HAPLN3: variants seen among roughly 807,000 people sequenced by gnomAD.
HAPLN3 encodes the protein hyaluronan and proteoglycan link protein 3.
In HAPLN3, 28 loss-of-function variants were observed where a neutral mutation model predicts 28.1. The observed-to-expected ratio is 1.00, with a 90% CI of 0.74 to 1.37. The LOEUF is 1.37. Among genes scored for constraint, HAPLN3 ranks in the 40% most tolerant of loss-of-function variants. HAPLN3 has a pLI of 0.00. For synonymous variants in HAPLN3, 211 were observed against 213.1 expected (o/e 0.99, Z 0.09); for missense variants, 513 against 504.6 (o/e 1.02, Z -0.16).
At chr15:88,882,044 C>CT (rs1215803852) in intron 2 of HAPLN3, among the ~76,000 whole-genome samples, 1 of 152,196 alleles carries the variant, frequency 6.6e-6, no homozygotes, top group Non-Finnish European at 1.5e-5. Flanking sequence ...TGCTTCCACT[C>CT]TTTTTTTAGG....
At chr15:88,892,158 A>G (rs1898029086) in intron 1 of HAPLN3, among the ~76,000 whole-genome samples, 1 of 152,098 alleles carries the variant, frequency 6.6e-6, no homozygotes, top group Non-Finnish European at 1.5e-5. Flanking sequence ...GGGGATGCCA[A>G]GAAAATCAAA....
In HAPLN3 at chr15:88,877,634, G is replaced by A. The variant is rs560296910; in HGVS notation, c.*336C>T. 4 of 231,064 alleles carry A rather than the reference G, an allele frequency of 1.7e-5. No individual in the cohort carries two copies. Among genetic ancestry groups the A allele is most frequent in the Admixed American group, 1.5e-4 (3 of 19,614 alleles). The allele number at this position is 231,064 out of a possible 1,614,324, so 14.3% of individuals were successfully genotyped here. A position where few individuals can be genotyped will look rare whatever the true frequency, so the allele number is the denominator to read the frequency against. ...AGGGAGAACTGTGCCCACCATGCCC[G>A]GACTCCCGGCGGCATTCTAGACAGG... is the stretch of plus-strand genomic sequence containing the variant. On this transcript the variant is annotated 3_prime_UTR_variant, in exon 5 of 5. Transcript: ENST00000359595. This position sits in a 1 kb window ranked among gnomAD's most constrained non-coding sequence, Gnocchi z 5.1.
At position 88,879,010 on chromosome 15, in the gene HAPLN3, G is replaced by A. The variant is rs1242661935; in HGVS notation, c.753C>T (p.Arg251=). The change falls in exon 4 of 5, where the codon CGC becomes CGT. Residue 251 remains arginine (R), a synonymous_variant. Coordinates refer to ENST00000359595, the MANE Select transcript of HAPLN3 (RefSeq NM_178232.4). This position sits in a 1 kb window ranked among gnomAD's most constrained non-coding sequence, Gnocchi z 5.0. ...GVRSYGPRHR[R]LHRYDVFCFA... ...AGCAGAATACATCATAGCGGTGCAGGCGGCGGTGGCGGGGGCCGTAGCTTC... is the reference window on the plus strand; with the variant it reads ...AGCAGAATACATCATAGCGGTGCAGACGGCGGTGGCGGGGGCCGTAGCTTC... 3.7e-6 allele frequency: 6 copies of A among 1,610,114 alleles called. No individual in the cohort carries two copies. Among genetic ancestry groups the A allele is most frequent in the Non-Finnish European group, 4.2e-6 (5 of 1,178,810 alleles).
At chr15:88,889,263 TG>T (rs777592788) in intron 1 of HAPLN3, among the ~76,000 whole-genome samples, 3 of 151,994 alleles carry the variant, frequency 2.0e-5, no homozygotes, top group Non-Finnish European at 4.4e-5. Flanking sequence ...CCTGGCTGCA[TG>T]GGGGAGAGGA....
At position 88,895,173 on chromosome 15, in the gene HAPLN3, T is replaced by C. The variant is rs1898123742; in HGVS notation, c.-48+286A>G. On this transcript the variant is annotated intron_variant, in intron 1 of 4. Coordinates refer to ENST00000359595, the MANE Select transcript of HAPLN3 (RefSeq NM_178232.4). This position sits in a 1 kb window ranked among gnomAD's most constrained non-coding sequence, Gnocchi z 5.5. ...GAAGGGGGCTGGAGGCGGACGGTGG[T>C]CTCGGAGGCCACGGGGTCCGCTCGG... Among the ~76,000 whole-genome samples, 1 of 152,054 alleles carries C rather than the reference T, an allele frequency of 6.6e-6. No homozygotes were observed. Among genetic ancestry groups the C allele is most frequent in the African/African-American group, 2.4e-5 (1 of 41,396 alleles).
intron 1 of HAPLN3, chr15:88,893,210 A>T: frequency 1.5e-6 from 1 of 661,206 alleles, no homozygotes; most frequent in South Asian, 1.7e-5. Context: ...TGAGGTCAGG[A>T]GTTCGAGACT....
At position 88,879,471 on chromosome 15, in the gene HAPLN3, C is replaced by CA; in HGVS notation, c.494-203dup. ...GACTCAGCTGGTTCACAGCAGTACT[C>CA]AGAAAACATCCATGAGTTAAGGTAA... On this transcript the variant is annotated intron_variant, in intron 3 of 4. Coordinates refer to ENST00000359595, the MANE Select transcript of HAPLN3 (RefSeq NM_178232.4). The surrounding 1 kb of genome is among the most constrained non-coding windows in gnomAD (Gnocchi z 5.0). 1 of 1,532,050 alleles carries CA rather than the reference C, an allele frequency of 6.5e-7. No individual in the cohort carries two copies. Among genetic ancestry groups the CA allele is most frequent in the African/African-American group, 1.4e-5 (1 of 73,128 alleles). The allele number at this position is 1,532,050 out of a possible 1,614,324, so 94.9% of individuals were successfully genotyped here.
At chr15:88,883,396 G>A (rs1303235759) in intron 2 of HAPLN3, among the ~76,000 whole-genome samples, 1 of 152,220 alleles carries the variant, frequency 6.6e-6, no homozygotes, top group South Asian at 2.1e-4. Flanking sequence ...GTAATCCAGG[G>A]AAGTCAAGAC....
rs768457388 is a variant in HAPLN3 at position 88,878,171 on chromosome 15, G to A, written c.882C>T (p.Ala294=). The change falls in exon 5 of 5, where the codon GCC becomes GCT. Residue 294 remains alanine, a synonymous_variant. Transcript: ENST00000359595. ...AGGCGGCAAAGAGCTGTCCCACCTT[G>A]GCGATCGTGGCATCATCTTCCTGGC... The part of the protein sequence containing the change: ...EACQEDDATI[A]KVGQLFAAWK... The A allele has an allele frequency of 6.2e-7, 1 of 1,614,168 alleles. No homozygotes were observed.
In HAPLN3 at chr15:88,878,004, C is replaced by T. The variant is rs760853689; in HGVS notation, c.1049G>A (p.Arg350His). The change falls in exon 5 of 5, where the codon CGC becomes CAC. Residue 350 changes from arginine to histidine, a missense_variant. Physicochemically the swap from Arg to His is conservative, Grantham distance 29. Coordinates refer to ENST00000359595, the MANE Select transcript of HAPLN3 (RefSeq NM_178232.4). ...GCGGTAGCAGTAAACACCGTACAAG[C>T]GGCTCTGCGGGTCGGGGAAGCCAAA... ...RSFGFPDPQS[R>H]LYGVYCYRQH 8.7e-6 allele frequency: 14 copies of T among 1,612,884 alleles called. No homozygotes were observed. Among genetic ancestry groups the T allele is most frequent in the Admixed American group, 8.3e-5 (5 of 59,924 alleles).
At position 88,878,080 on chromosome 15, in the gene HAPLN3, C is replaced by T. The variant is rs773538060; in HGVS notation, c.973G>A (p.Val325Met). The change falls in exon 5 of 5, where the codon GTG becomes ATG. Residue 325 changes from valine to methionine, a missense_variant. Coordinates refer to ENST00000359595, the MANE Select transcript of HAPLN3 (RefSeq NM_178232.4). ...CCACAGTTAGGATGCGGGTGAACCA[C>T]AGGGTAGCGGACGCTACCATCTGCC... is the stretch of plus-strand genomic sequence containing the variant. ...WLADGSVRYP[V>M]VHPHPNCGPP... is the part of the protein sequence containing the mutation. 6.2e-7 allele frequency: 1 copy of T among 1,614,046 alleles called. No homozygotes were observed. Among genetic ancestry groups the T allele is most frequent in the Non-Finnish European group, 8.5e-7 (1 of 1,179,994 alleles).
In HAPLN3 at chr15:88,878,057, A is replaced by G. The variant is rs1897579983; in HGVS notation, c.996T>C (p.Cys332=). Residue 332 remains cysteine, a synonymous_variant, in exon 5 of 5, where the codon TGT becomes TGC. Coordinates refer to ENST00000359595, the MANE Select transcript of HAPLN3 (RefSeq NM_178232.4). ...RYPVVHPHPN[C]GPPEPGVRSF... is the part of the protein sequence containing the mutation. ...TTCGGACCCCAGGCTCTGGGGGCCC[A>G]CAGTTAGGATGCGGGTGAACCACAG... 1 of 1,613,938 alleles carries G rather than the reference A, an allele frequency of 6.2e-7. No homozygotes were observed. Among genetic ancestry groups the G allele is most frequent in the Non-Finnish European group, 8.5e-7 (1 of 1,179,992 alleles).
intron 2 of HAPLN3, among the ~76,000 whole-genome samples, chr15:88,886,806 C>T (rs1447759783): frequency 6.6e-6 from 1 of 152,174 alleles, no homozygotes; most frequent in Non-Finnish European, 1.5e-5. Flanking sequence ...GCCTCGGCAA[C>T]AGAGTGAGAC....
In HAPLN3 at chr15:88,879,059, C is replaced by T. The variant is rs755929978; in HGVS notation, c.704G>A (p.Gly235Asp). The stretch of plus-strand genomic sequence containing the variant: ...TCGCACGCCAGGTGCCAGGCCCGGG[C>T]CACCGCAGGGCTGCCGGGGCAACAT... ...PIMLPRQPCG[G>D]PGLAPGVRSY... is the part of the protein sequence containing the mutation. The change falls in exon 4 of 5, where the codon GGC becomes GAC. Residue 235 changes from glycine (G) to aspartate (D), a missense_variant. Transcript: ENST00000359595. This position sits in a 1 kb window ranked among gnomAD's most constrained non-coding sequence, Gnocchi z 5.0. 1.9e-6 allele frequency: 3 copies of T among 1,605,836 alleles called. No individual in the cohort carries two copies. Among genetic ancestry groups the T allele is most frequent in the Middle Eastern group, 1.6e-4 (1 of 6,064 alleles).
intron 1 of HAPLN3, among the ~76,000 whole-genome samples, chr15:88,889,528 G>A (rs1414010066): frequency 6.6e-6 from 1 of 152,146 alleles, no homozygotes; most frequent in Non-Finnish European, 1.5e-5. Context: ...TAGAGACGGG[G>A]TTTCACCATG....
chr15:88,884,105 T>C (rs1246251136), intron 2 of HAPLN3, among the ~76,000 whole-genome samples: 1 of 150,756 alleles, frequency 6.6e-6, no homozygotes, highest in South Asian at 2.1e-4. Context: ...TAGAAAGAGA[T>C]ACCTAAAAAG....
In HAPLN3 at chr15:88,880,249, C is replaced by A; in HGVS notation, c.494-980G>T. 2.0e-6 allele frequency: 2 copies of A among 1,008,296 alleles called. No homozygotes were observed. Among genetic ancestry groups the A allele is most frequent in the Non-Finnish European group, 1.2e-6 (1 of 843,856 alleles). 62.5% of individuals were successfully genotyped at this position (1,008,296 alleles called of 1,614,324 possible). A position where few individuals can be genotyped will look rare whatever the true frequency, so the allele number is the denominator to read the frequency against. On this transcript the variant is annotated intron_variant, in intron 3 of 4. Transcript: ENST00000359595. The surrounding 1 kb of genome is among the most constrained non-coding windows in gnomAD (Gnocchi z 6.0). ...AGGGCTCCCTGTTTCTCTAGGCTGC[C>A]CCTGCAGACCCCAGACCAATGACTC...
At position 88,877,974 on chromosome 15, in the gene HAPLN3, T is replaced by G. The variant is rs1567198016; in HGVS notation, c.1079A>C (p.His360Pro). 6 of 1,598,024 alleles carry G rather than the reference T, an allele frequency of 3.8e-6. No individual in the cohort carries two copies. Among genetic ancestry groups the G allele is most frequent in the Non-Finnish European group, 5.1e-6 (6 of 1,170,390 alleles). ...GGCAGGGGAGGGCCCCAGGTCCTAGTGCTGGCGGTAGCAGTAAACACCGTA... is the reference window on the plus strand; with the variant it reads ...GGCAGGGGAGGGCCCCAGGTCCTAGGGCTGGCGGTAGCAGTAAACACCGTA... ...RLYGVYCYRQ[H>P] The change falls in exon 5 of 5, where the codon CAC (histidine) becomes CCC (proline). Residue 360 changes from histidine to proline, a missense_variant. His to Pro is a moderately conservative substitution (Grantham distance 77). Transcript: ENST00000359595. The surrounding 1 kb of genome is among the most constrained non-coding windows in gnomAD (Gnocchi z 5.1).
rs528334485 is a variant in HAPLN3 at position 88,888,708 on chromosome 15, G to A, written c.-47-1363C>T. On this transcript the variant is annotated intron_variant, in intron 1 of 4. Transcript: ENST00000359595. This position sits in a 1 kb window ranked among gnomAD's most constrained non-coding sequence, Gnocchi z 4.1. ...CTTGGTCCAGGGAGGGGGCAGAGTC[G>A]TGGGCAGGCAGTCTTGATTGCTGTG... is the stretch of plus-strand genomic sequence containing the variant. Among the ~76,000 whole-genome samples the A allele has an allele frequency of 2.2e-4, 34 of 152,260 alleles. No homozygotes were observed. Among genetic ancestry groups the A allele is most frequent in the Non-Finnish European group, 1.0e-4 (7 of 68,030 alleles).
Sources: gnomAD v4.1 joint callset for allele counts (sites outside exome capture counted in the v4.1 genomes callset) on GRCh38, gnomAD v4.1.1 for gene constraint, Gnocchi (gnomAD v3.1) non-coding constraint, MANE v1.5 for transcripts, NCBI Gene and HGNC (gene_info 2026-07-23, HGNC 2026-07-21) for gene names.